Variants in WDPCP observed in about 807,000 individuals in gnomAD.
WDPCP encodes the protein WD repeat-containing and planar cell polarity effector protein fritz homolog.
In WDPCP, 71 loss-of-function variants were observed where a neutral mutation model predicts 93.1. The observed-to-expected ratio is 0.76, with a 90% CI of 0.63 to 0.93. The LOEUF is 0.93. Ranked by LOEUF, WDPCP falls within the 40% of genes least tolerant of loss-of-function variation. The pLI, the probability that WDPCP is intolerant of heterozygous loss-of-function variation, is 0.00. For synonymous variants in WDPCP, 315 were observed against 315.0 expected (o/e 1.00, Z 0.00); for missense variants, 844 against 887.4 (o/e 0.95, Z 0.62).
intron 17 of WDPCP, among the ~76,000 whole-genome samples, chr2:63,124,403 C>T (rs1669755053): frequency 6.6e-6 from 1 of 151,998 alleles, no homozygotes; most frequent in African/African-American, 2.4e-5. Flanking sequence ...TCCCCAGTCC[C>T]TCATTGCTTT....
intron 14 of WDPCP, among the ~76,000 whole-genome samples, chr2:63,231,951 C>T (rs1283854653): frequency 1.3e-5 from 2 of 152,128 alleles, no homozygotes; most frequent in Non-Finnish European, 2.9e-5. Context: ...CTACAGTACC[C>T]AAAACAGCAT....
intron 3 of WDPCP, among the ~76,000 whole-genome samples, chr2:63,619,783 C>T (rs1433922853): frequency 2.6e-5 from 4 of 152,176 alleles, no homozygotes; most frequent in Non-Finnish European, 5.9e-5. Context: ...CAGATCAATG[C>T]AGAAGGTGGG....
At chr2:63,674,141 C>T (rs1710377085) in intron 2 of WDPCP, among the ~76,000 whole-genome samples, 1 of 152,192 alleles carries the variant, frequency 6.6e-6, no homozygotes, top group Admixed American at 6.5e-5. Flanking sequence ...CTGGGGAAAA[C>T]AAATATTTTC....
intron 1 of WDPCP, among the ~76,000 whole-genome samples, chr2:63,820,359 CAG>C (rs1670999645): frequency 6.6e-6 from 1 of 151,986 alleles, no homozygotes; most frequent in Non-Finnish European, 1.5e-5. Flanking sequence ...ATCTGAGAGA[CAG>C]AGGAGACAAC....
At chr2:63,323,056 G>A (rs1308873253) in intron 12 of WDPCP, among the ~76,000 whole-genome samples, 1 of 152,156 alleles carries the variant, frequency 6.6e-6, no homozygotes, top group Non-Finnish European at 1.5e-5. Flanking sequence ...TGTACTTCTG[G>A]ACTGAGCCCA....
intron 6 of WDPCP, among the ~76,000 whole-genome samples, chr2:63,482,574 T>G (rs11689644): frequency 0.064 from 9,797 of 152,070 alleles, 444 homozygotes; most frequent in Middle Eastern, 0.16. Context: ...TTTAATTTAT[T>G]GCGATACCAG....
chr2:63,731,683 T>G (rs969348672), intron 2 of WDPCP, among the ~76,000 whole-genome samples: 2 of 152,196 alleles, frequency 1.3e-5, no homozygotes, highest in African/African-American at 4.8e-5. Context: ...TAATGTACAA[T>G]GTACTGTGCA....
At chr2:63,470,375 A>G (rs942786428) in intron 6 of WDPCP, among the ~76,000 whole-genome samples, 3 of 152,208 alleles carry the variant, frequency 2.0e-5, no homozygotes, top group Non-Finnish European at 2.9e-5. Context: ...TGAACTTCTG[A>G]TAAGTCCCTC....
intron 2 of WDPCP, among the ~76,000 whole-genome samples, chr2:63,791,366 C>T (rs1040630441): frequency 1.6e-4 from 25 of 152,112 alleles, no homozygotes; most frequent in African/African-American, 6.0e-4. Flanking sequence ...CTTAGTATTC[C>T]AATTCTTTAT....
intron 6 of WDPCP, among the ~76,000 whole-genome samples, chr2:63,471,164 G>C (rs921870616): frequency 8.5e-5 from 13 of 152,072 alleles, no homozygotes; most frequent in African/African-American, 2.7e-4. Flanking sequence ...ATGAGAACAG[G>C]GATATTGGTC....
intron 2 of WDPCP, among the ~76,000 whole-genome samples, chr2:63,487,729 C>T (rs536445045): frequency 2.0e-5 from 3 of 152,042 alleles, no homozygotes; most frequent in Non-Finnish European, 4.4e-5. Flanking sequence ...ACTAGAATGG[C>T]ATGAGAAAAA....
chr2:63,633,129 G>C (rs1709882112), intron 3 of WDPCP, among the ~76,000 whole-genome samples: 1 of 152,162 alleles, frequency 6.6e-6, no homozygotes, highest in African/African-American at 2.4e-5. Context: ...CTGCAAAGCT[G>C]TCCTTCAGCA....
At chr2:63,683,401 A>G (rs1553449656) in intron 2 of WDPCP, among the ~76,000 whole-genome samples, 1 of 152,228 alleles carries the variant, frequency 6.6e-6, no homozygotes, top group Non-Finnish European at 1.5e-5. Context: ...GGGATAGAAA[A>G]AGATATTTCA....
At chr2:63,727,804 T>G (rs928917090) in intron 2 of WDPCP, among the ~76,000 whole-genome samples, 1 of 152,230 alleles carries the variant, frequency 6.6e-6, no homozygotes, top group African/African-American at 2.4e-5. Context: ...TAGGAAATTA[T>G]GCATTTCTTC....
intron 3 of WDPCP, chr2:63,622,061 T>G: frequency 1.3e-6 from 1 of 781,064 alleles, no homozygotes; most frequent in Non-Finnish European, 1.7e-6. Context: ...CATTCTTTCT[T>G]TTTTCTTTTT....
At chr2:63,667,596 A>G (rs1400234580) in intron 2 of WDPCP, among the ~76,000 whole-genome samples, 1 of 152,144 alleles carries the variant, frequency 6.6e-6, no homozygotes, top group Non-Finnish European at 1.5e-5. Flanking sequence ...TCTCCCTGTT[A>G]TCATGTTTTC....
chr2:63,545,118 A>G (rs1028952199), intron 1 of WDPCP, among the ~76,000 whole-genome samples: 1 of 152,148 alleles, frequency 6.6e-6, no homozygotes, highest in Non-Finnish European at 1.5e-5. Flanking sequence ...GGGAGAGCCA[A>G]TCCTATTCCT....
At chr2:63,199,713 G>A (rs981892897) in intron 14 of WDPCP, among the ~76,000 whole-genome samples, 1 of 152,236 alleles carries the variant, frequency 6.6e-6, no homozygotes, top group Non-Finnish European at 1.5e-5. Context: ...TACTACAGCA[G>A]TGCAGATGGG....
intron 2 of WDPCP, among the ~76,000 whole-genome samples, chr2:63,654,149 A>G (rs1318690440): frequency 6.6e-6 from 1 of 152,170 alleles, no homozygotes; most frequent in Non-Finnish European, 1.5e-5. Context: ...AACAAAATAA[A>G]TTTTTAGAGA....
Sources: allele counts gnomAD v4.1 joint callset (sites outside exome capture counted in the v4.1 genomes callset), GRCh38; gene constraint gnomAD v4.1.1; transcripts MANE v1.5; gene names NCBI Gene and HGNC (gene_info 2026-07-23, HGNC 2026-07-21).